The following MYO16 variants were observed in gnomAD, a reference collection of about 807,000 sequenced individuals.
The protein encoded by MYO16 is unconventional myosin-XVI.
Under a neutral mutation model 205.3 loss-of-function variants are expected in MYO16, and 94 were observed. The ratio of observed to expected loss-of-function variants is 0.46; its 90% confidence interval spans 0.39 to 0.54. The LOEUF is 0.54. Among genes scored for constraint, MYO16 ranks in the 20% least tolerant of loss-of-function variants. MYO16 has a pLI of 0.00. For missense variants in MYO16, 2,315 were observed against 2,387.5 expected (o/e 0.97, Z 0.63); for synonymous variants, 988 against 954.0 (o/e 1.04, Z -0.66).
chr13:109,062,157 A>T (rs1159329939), intron 27 of MYO16, among the ~76,000 whole-genome samples: 1 of 152,192 alleles, frequency 6.6e-6, no homozygotes, highest in Admixed American at 6.5e-5. Flanking sequence ...AGTCAGTTTT[A>T]TATACACTCT....
chr13:108,861,894 A>G (rs923264810), intron 11 of MYO16, among the ~76,000 whole-genome samples: 5 of 151,868 alleles, frequency 3.3e-5, no homozygotes, highest in African/African-American at 1.2e-4. Context: ...TATGGCTTGT[A>G]TTGTACTCTT....
At chr13:108,516,598 A>ATTAG in the MYO16 span, among the ~76,000 whole-genome samples, 1 of 152,220 alleles carries the variant, frequency 6.6e-6, no homozygotes, top group African/African-American at 2.4e-5. Flanking sequence ...CACGTAACAA[A>ATTAG]TTAGTATAAG....
chr13:108,878,376 G>T (rs1879428668), intron 12 of MYO16, among the ~76,000 whole-genome samples: 1 of 152,068 alleles, frequency 6.6e-6, no homozygotes, highest in African/African-American at 2.4e-5. Flanking sequence ...GTTCAGCTAG[G>T]GATGGTTGGA....
intron 9 of MYO16, among the ~76,000 whole-genome samples, chr13:108,825,767 A>G (rs2139027707): frequency 6.6e-6 from 1 of 152,126 alleles, no homozygotes; most frequent in East Asian, 1.9e-4. Context: ...GCACAGAAAC[A>G]ATCTGTATTT....
intron 23 of MYO16, among the ~76,000 whole-genome samples, chr13:109,039,522 C>T (rs866125216): frequency 5.3e-5 from 8 of 152,198 alleles, no homozygotes; most frequent in Middle Eastern, 6.8e-3. Flanking sequence ...ATGGAATCAA[C>T]CCAGAAATCA....
chr13:108,760,223 A>C (rs1885560443), intron 4 of MYO16, among the ~76,000 whole-genome samples: 1 of 152,204 alleles, frequency 6.6e-6, no homozygotes, highest in South Asian at 2.1e-4. Flanking sequence ...TAAAGGGTGA[A>C]ACAGCAGCAA....
chr13:108,590,596 G>A, the MYO16 span, among the ~76,000 whole-genome samples: 8 of 152,240 alleles, frequency 5.3e-5, no homozygotes, highest in Non-Finnish European at 1.0e-4. Flanking sequence ...GAGTAGGGTG[G>A]GCCCTGAGCC....
At chr13:108,560,938 T>C in the MYO16 span, among the ~76,000 whole-genome samples, 1 of 152,222 alleles carries the variant, frequency 6.6e-6, no homozygotes, top group Non-Finnish European at 1.5e-5. Context: ...TCCATTGTTA[T>C]AGAGTTATTA....
chr13:108,738,499 A>G (rs903240956), intron 4 of MYO16, among the ~76,000 whole-genome samples: 1 of 152,168 alleles, frequency 6.6e-6, no homozygotes, highest in East Asian at 1.9e-4. Flanking sequence ...GTGGTCTGAG[A>G]GACAGTTTGT....
intron 1 of MYO16, among the ~76,000 whole-genome samples, chr13:108,612,131 T>C (rs1211126101): frequency 6.6e-6 from 1 of 152,148 alleles, no homozygotes; most frequent in East Asian, 1.9e-4. Flanking sequence ...CTTTACTTTA[T>C]GGATAAGATA....
chr13:109,081,056 ATATTT>A (rs1049232045), intron 27 of MYO16, among the ~76,000 whole-genome samples: 2 of 152,094 alleles, frequency 1.3e-5, no homozygotes, highest in African/African-American at 4.8e-5. Flanking sequence ...ATGTAAACAC[ATATTT>A]TATTTATATA....
chr13:109,163,091 A>T (rs1878462595), intron 32 of MYO16, among the ~76,000 whole-genome samples: 1 of 152,130 alleles, frequency 6.6e-6, no homozygotes, highest in Non-Finnish European at 1.5e-5. Context: ...TAGTTTTCAA[A>T]ATGCCGATAG....
chr13:108,518,617 C>T, the MYO16 span, among the ~76,000 whole-genome samples: 147 of 152,188 alleles, frequency 9.7e-4, 4 homozygotes, highest in East Asian at 0.022. Flanking sequence ...ATTCACCATG[C>T]GTAATGTGAC....
At chr13:108,854,211 G>C (rs1878051420) in intron 10 of MYO16, among the ~76,000 whole-genome samples, 1 of 151,910 alleles carries the variant, frequency 6.6e-6, no homozygotes. Context: ...TGGTCAGGCT[G>C]GTCTCAAACT....
At chr13:108,704,950 CA>C (rs1555340175) in intron 2 of MYO16, among the ~76,000 whole-genome samples, 1 of 130,552 alleles carries the variant, frequency 7.7e-6, no homozygotes, top group Non-Finnish European at 1.7e-5. Context: ...AAAAAAAAAA[CA>C]AAAAAAAACC....
At chr13:108,505,041 C>A in the MYO16 span, among the ~76,000 whole-genome samples, 8 of 152,238 alleles carry the variant, frequency 5.3e-5, no homozygotes, top group East Asian at 1.5e-3. Flanking sequence ...GCCACATTTT[C>A]TTCATCCACT....
chr13:108,888,416 T>TA lies in MYO16; in HGVS notation c.1600dup (p.Arg534LysfsTer36), dbSNP rs1269817539. 6.2e-7 allele frequency: 1 copy of TA among 1,610,246 alleles called. No homozygotes were observed. The highest frequency in any genetic ancestry group is 1.3e-5 in the African/African-American group (1 of 74,876). On this transcript the variant is annotated frameshift_variant, in exon 14 of 35. Coordinates refer to ENST00000457511, the MANE Select transcript of MYO16 (RefSeq NM_001198950.3). LOFTEE classifies it high-confidence loss of function. ...AAGTCTGAAGCCAGCAAACAAATCA[T>TA]AAGACACCTCACCTGCAGGGCTGGC...
intron 4 of MYO16, among the ~76,000 whole-genome samples, chr13:108,763,787 T>TGTGTG (rs1555345030): frequency 2.1e-5 from 3 of 142,536 alleles, no homozygotes; most frequent in Admixed American, 7.1e-5. Flanking sequence ...AGAAAAGGAG[T>TGTGTG]TGTGTGTGTG....
intron 16 of MYO16, among the ~76,000 whole-genome samples, chr13:108,914,963 A>G (rs772336781): frequency 4.2e-4 from 64 of 152,370 alleles, no homozygotes; most frequent in Non-Finnish European, 8.5e-4. Context: ...TTTTATCATT[A>G]AAGCTACAAA....
Sources: gnomAD v4.1 joint callset for allele counts (sites outside exome capture counted in the v4.1 genomes callset) on GRCh38, gnomAD v4.1.1 for gene constraint, MANE v1.5 for transcripts, NCBI Gene and HGNC (gene_info 2026-07-23, HGNC 2026-07-21) for gene names.